The following SLC19A3 variants were observed in gnomAD, a reference collection of about 807,000 sequenced individuals.
SLC19A3 encodes the protein thiamine transporter 2.
Under a neutral mutation model 40.2 loss-of-function variants are expected in SLC19A3, and 31 were observed. The ratio of observed to expected loss-of-function variants is 0.77; its 90% CI spans 0.58 to 1.04. The LOEUF is 1.04. Ranked by LOEUF, SLC19A3 falls within the 50% of genes least tolerant of loss-of-function variation. SLC19A3 has a pLI of 0.00. For missense variants in SLC19A3, 592 were observed against 596.7 expected (o/e 0.99, Z 0.08); for synonymous variants, 212 against 227.5 (o/e 0.93, Z 0.61).
rs1203573773 is a variant in SLC19A3, at chr2:227,702,202, T to C, written c.117A>G (p.Leu39=). 3.7e-6 allele frequency: 6 copies of C among 1,613,892 alleles called. No individual in the cohort carries two copies. In the Admixed American group the frequency reaches 8.3e-5, roughly 22 times the overall value. The change falls in exon 2 of 6, where the codon TTA becomes TTG. Residue 39 remains leucine (L), a synonymous_variant. Transcript: ENST00000644224. ...TGGTCAGGTTTTTATCTGGTCCAGA[T>C]AAATATGGGATAAGGAATGGTTCTG... ...RPSEPFLIPY[L]SGPDKNLTSA... is the part of the protein sequence containing the mutation.
chr2:227,716,973 G>T (rs1450180861), intron 1 of SLC19A3, among the ~76,000 whole-genome samples: 1 of 146,454 alleles, frequency 6.8e-6, no homozygotes, highest in African/African-American at 2.5e-5. Context: ...ATATTGATAG[G>T]AGCAAAACAC....
At chr2:227,698,420 C>T (rs954541201) in intron 3 of SLC19A3, among the ~76,000 whole-genome samples, 2 of 152,052 alleles carry the variant, frequency 1.3e-5, no homozygotes, top group Admixed American at 6.5e-5. Context: ...CTCGGCCTCC[C>T]AAAGTGCTGG....
chr2:227,700,868 G>A (rs1695659060), intron 2 of SLC19A3: 1 of 1,235,954 alleles, frequency 8.1e-7, no homozygotes, highest in Non-Finnish European at 1.1e-6. Context: ...TGATCTGTAG[G>A]GATGGGTGAG....
At chr2:227,717,720 A>G (rs760169812) in intron 1 of SLC19A3, among the ~76,000 whole-genome samples, 6 of 152,200 alleles carry the variant, frequency 3.9e-5, no homozygotes, top group Non-Finnish European at 8.8e-5. Flanking sequence ...GCGCTTCCAG[A>G]AGGCTGCAAA....
At position 227,698,850 on chromosome 2, in the gene SLC19A3, T is replaced by C. The variant is rs746272588; in HGVS notation, c.865A>G (p.Thr289Ala). 28 of 1,614,092 alleles carry C rather than the reference T, an allele frequency of 1.7e-5. No homozygotes were observed. In the African/African-American group the frequency reaches 3.5e-4, roughly 20 times the overall value. ...FYWSLWWAFA[T>A]AGFNQVLNYV... Reference sequence around the variant, plus strand: ...TTCAAAACCTGGTTAAAACCTGCTGTGGCGAAAGCCCACCATAGAGACCAG... The same window carrying C: ...TTCAAAACCTGGTTAAAACCTGCTGCGGCGAAAGCCCACCATAGAGACCAG... Residue 289 changes from threonine (T) to alanine (A), a missense_variant, in exon 3 of 6, where the codon ACA (threonine) becomes GCA (alanine). By Grantham distance (58) the Thr-to-Ala change is moderately conservative. Transcript: ENST00000644224.
intron 1 of SLC19A3, among the ~76,000 whole-genome samples, chr2:227,716,562 C>T (rs1181498198): frequency 6.6e-6 from 1 of 152,108 alleles, no homozygotes; most frequent in African/African-American, 2.4e-5. Flanking sequence ...CTGAACAGAC[C>T]CATTCACAAG....
At chr2:227,705,841 T>C (rs1695914316) in intron 1 of SLC19A3, among the ~76,000 whole-genome samples, 1 of 152,150 alleles carries the variant, frequency 6.6e-6, no homozygotes, top group Non-Finnish European at 1.5e-5. Flanking sequence ...CTGCACATCC[T>C]GCACATGTAC....
intron 1 of SLC19A3, among the ~76,000 whole-genome samples, chr2:227,707,865 T>A (rs1446075197): frequency 6.6e-6 from 1 of 152,142 alleles, no homozygotes; most frequent in Non-Finnish European, 1.5e-5. Flanking sequence ...GTAGTTGAGA[T>A]TACAGGTGCC....
chr2:227,706,759 C>T lies in SLC19A3; in HGVS notation c.-2-4439G>A, dbSNP rs6708238. 0.31 allele frequency: 47,385 copies of T among 154,876 alleles called. 8,180 individuals carry two copies. The highest frequency in any genetic ancestry group is 0.81 in the East Asian group (4,351 of 5,340). 9.6% of individuals were successfully genotyped at this position (154,876 alleles called of 1,614,324 possible). A position where few individuals can be genotyped will look rare whatever the true frequency, so the allele number is the denominator to read the frequency against. On this transcript the variant is annotated intron_variant, in intron 1 of 5. Coordinates refer to ENST00000644224, the MANE Select transcript of SLC19A3 (RefSeq NM_025243.4). ...GCACCCCAACCTGGGCAACAGAGAA[C>T]GACTGTGTTAATAACAACAACAAAA...
At position 227,703,959 on chromosome 2, in the gene SLC19A3, G is replaced by T. The variant is rs575277833; in HGVS notation, c.-2-1639C>A. ...GGTTTCTAATACAGCTGTCCAAATC[G>T]ATTTAGTTGGGATGGTCAAGCAGAA... On this transcript the variant is annotated intron_variant, in intron 1 of 5. Transcript: ENST00000644224. This position sits in a 1 kb window ranked among gnomAD's most constrained non-coding sequence, Gnocchi z 4.7. Among the ~76,000 whole-genome samples, 1 of 121,126 alleles carries T rather than the reference G, an allele frequency of 8.3e-6. No homozygotes were observed. Among genetic ancestry groups the T allele is most frequent in the African/African-American group, 3.1e-5 (1 of 32,126 alleles). 79.5% of individuals were successfully genotyped at this position (121,126 alleles called of 152,430 possible).
chr2:227,707,918 G>C (rs181880868), intron 1 of SLC19A3, among the ~76,000 whole-genome samples: 175 of 152,192 alleles, frequency 1.1e-3, no homozygotes, highest in Non-Finnish European at 2.0e-3. Context: ...TAGTAGAGAC[G>C]GGATTTCACC....
intron 4 of SLC19A3, among the ~76,000 whole-genome samples, chr2:227,690,491 AGG>A (rs1485091034): frequency 6.6e-6 from 1 of 152,040 alleles, no homozygotes; most frequent in African/African-American, 2.4e-5. Context: ...GCAGATCATG[AGG>A]TCAGGAGATC....
intron 1 of SLC19A3, chr2:227,714,703 CAA>C (rs769256469): frequency 0.28 from 50,086 of 176,778 alleles, 4,446 homozygotes; most frequent in South Asian, 0.43. Context: ...AAATCCCATC[CAA>C]AAAAAAAAAA....
At chr2:227,702,514 C>T (rs1695743896) in intron 1 of SLC19A3, 194 bp from the exon 2 acceptor site, 4 of 571,262 alleles carry the variant, frequency 7.0e-6, no homozygotes, top group South Asian at 6.0e-5. Context: ...CTGCCTCAGC[C>T]TCCCAAGTAG....
At position 227,695,989 on chromosome 2, in the gene SLC19A3, C is replaced by G; in HGVS notation, c.1072G>C (p.Gly358Arg). 1 of 1,614,056 alleles carries G rather than the reference C, an allele frequency of 6.2e-7. No homozygotes were observed. The highest frequency in any genetic ancestry group is 8.5e-7 in the Non-Finnish European group (1 of 1,180,008). Residue 358 changes from glycine (G) to arginine (R), a missense_variant, in exon 4 of 6, where the codon GGT becomes CGT. Transcript: ENST00000644224. ...ALVVFSVVNA[G>R]SLFLMHYTAN... ...GTGTAATGCATGAGAAATAAAGAAC[C>G]GGCATTGACAACTGAGAAGACCACC...
chr2:227,696,138 C>A, intron 3 of SLC19A3, 57 bp from the exon 4 acceptor site: 3 of 1,538,892 alleles, frequency 1.9e-6, no homozygotes, highest in Non-Finnish European at 2.7e-6. Flanking sequence ...AGGAAAATAT[C>A]AACACCCTCT....
In SLC19A3 at chr2:227,684,252, A is replaced by G. The variant is rs1371835414; in HGVS notation, c.*3145T>C. On this transcript the variant is annotated 3_prime_UTR_variant, in exon 6 of 6. Transcript: ENST00000644224. ...AGAGCTCTTAGAGTTCTGTGTCACTAAAGATCTTCCTCATTTTTTAGCAGT... is the reference window on the plus strand; with the variant it reads ...AGAGCTCTTAGAGTTCTGTGTCACTGAAGATCTTCCTCATTTTTTAGCAGT... 6.6e-6 allele frequency: 1 copy of G among 152,100 alleles called. No individual in the cohort carries two copies. Among genetic ancestry groups the G allele is most frequent in the African/African-American group, 2.4e-5 (1 of 41,416 alleles). The allele number at this position is 152,100 out of a possible 1,614,324, so 9.4% of individuals were successfully genotyped here.
intron 4 of SLC19A3, among the ~76,000 whole-genome samples, chr2:227,689,874 TAG>T (rs2106319747): frequency 6.6e-6 from 1 of 152,316 alleles, no homozygotes; most frequent in African/African-American, 2.4e-5. Context: ...AGCTACACTG[TAG>T]AGTTTTTATT....
At chr2:227,696,194 C>A in intron 3 of SLC19A3, 113 bp from the exon 4 acceptor site, 1 of 992,132 alleles carries the variant, frequency 1.0e-6, no homozygotes, top group Admixed American at 2.1e-5. Context: ...AAATATATTG[C>A]TTTCACAAAA....
Sources: allele counts gnomAD v4.1 joint callset (sites outside exome capture counted in the v4.1 genomes callset), GRCh38; gene constraint gnomAD v4.1.1; non-coding constraint Gnocchi (gnomAD v3.1); transcripts MANE v1.5; gene names NCBI Gene and HGNC (gene_info 2026-07-23, HGNC 2026-07-21).